The following ADK variants were observed in gnomAD, a reference collection of about 807,000 sequenced individuals.
ADK encodes the protein N6,N6-dimethyladenosine kinase.
Under a neutral mutation model 44.7 loss-of-function variants are expected in ADK, and 24 were observed. The ratio of observed to expected loss-of-function variants is 0.54; its 90% CI spans 0.39 to 0.76. The LOEUF is 0.76. Ranked by LOEUF, ADK falls within the 30% of genes least tolerant of loss-of-function variation. ADK has a pLI of 0.00. For synonymous variants in ADK, 128 were observed against 142.6 expected, an observed-to-expected ratio of 0.90 and a Z score of 0.73; for missense variants, 321 against 425.1, an observed-to-expected ratio of 0.76 and a Z score of 2.15.
chr10:74,300,846 A>G (rs1840007173), intron 3 of ADK, among the ~76,000 whole-genome samples: 1 of 152,260 alleles, frequency 6.6e-6, no homozygotes, highest in South Asian at 2.1e-4. Context: ...TGATACTTCT[A>G]TTTCCACACA....
intron 4 of ADK, among the ~76,000 whole-genome samples, chr10:74,337,719 A>C (rs180751451): frequency 6.6e-6 from 1 of 150,854 alleles, no homozygotes; most frequent in Non-Finnish European, 1.5e-5. Flanking sequence ...AGAGCTTACT[A>C]ACTGTGAGCT....
chr10:74,532,654 A>G (rs949244000), intron 7 of ADK, among the ~76,000 whole-genome samples: 1 of 152,076 alleles, frequency 6.6e-6, no homozygotes, highest in Non-Finnish European at 1.5e-5. Flanking sequence ...TAATCCCAGC[A>G]CTTTGGGAGG....
chr10:74,299,515 A>AATATAT (rs376663637), intron 3 of ADK, among the ~76,000 whole-genome samples: 7 of 140,532 alleles, frequency 5.0e-5, no homozygotes, highest in East Asian at 4.0e-4. Context: ...AAAAAAAAGA[A>AATATAT]ATATATATAT....
intron 4 of ADK, among the ~76,000 whole-genome samples, chr10:74,388,779 C>A (rs183847623): frequency 6.6e-6 from 1 of 152,172 alleles, no homozygotes; most frequent in East Asian, 1.9e-4. Context: ...TACATATATT[C>A]CTTAAACATG....
intron 3 of ADK, among the ~76,000 whole-genome samples, chr10:74,296,544 A>G (rs534829196): frequency 1.3e-5 from 2 of 152,262 alleles, no homozygotes; most frequent in East Asian, 1.9e-4. Context: ...TCATAAGGAT[A>G]TAAATTGCTA....
intron 6 of ADK, among the ~76,000 whole-genome samples, chr10:74,416,657 T>C (rs1376314373): frequency 6.6e-6 from 1 of 151,674 alleles, no homozygotes; most frequent in Non-Finnish European, 1.5e-5. Context: ...ACTGCAAACA[T>C]CTAATTTCTG....
chr10:74,670,169 G>T lies in ADK; in HGVS notation c.878-14G>T. On this transcript the variant is annotated splice_polypyrimidine_tract_variant and intron_variant, in intron 9 of 10. Transcript: ENST00000539909. The stretch of plus-strand genomic sequence containing the variant: ...AAGAGAAGTCATTCTGCCTTTCTTT[G>T]GCTCTAATTGCAGAAAGTGAAGTCA... 1 of 1,608,796 alleles carries T rather than the reference G, an allele frequency of 6.2e-7. No homozygotes were observed. Among genetic ancestry groups the T allele is most frequent in the South Asian group, 1.1e-5 (1 of 90,940 alleles).
chr10:74,434,727 T>C (rs552593728), intron 6 of ADK, among the ~76,000 whole-genome samples: 1 of 152,310 alleles, frequency 6.6e-6, no homozygotes, highest in East Asian at 1.9e-4. Context: ...TAAACAACTA[T>C]GTTTTAGCTT....
intron 6 of ADK, among the ~76,000 whole-genome samples, chr10:74,426,476 T>G (rs549679796): frequency 6.6e-6 from 1 of 152,250 alleles, no homozygotes; most frequent in Non-Finnish European, 1.5e-5. Context: ...AAATATTACA[T>G]GAAACAAAAA....
chr10:74,332,017 C>A (rs910723397), intron 4 of ADK, among the ~76,000 whole-genome samples: 2 of 152,038 alleles, frequency 1.3e-5, no homozygotes, highest in Non-Finnish European at 2.9e-5. Flanking sequence ...CCATGCCCAA[C>A]AAATTTTTTT....
At chr10:74,290,896 C>T (rs1847393673) in intron 3 of ADK, among the ~76,000 whole-genome samples, 1 of 152,036 alleles carries the variant, frequency 6.6e-6, no homozygotes, top group Non-Finnish European at 1.5e-5. Flanking sequence ...TAAGTTGGAG[C>T]ACTTCATTCT....
intron 6 of ADK, among the ~76,000 whole-genome samples, chr10:74,467,592 G>A (rs1390451781): frequency 1.3e-5 from 2 of 151,932 alleles, no homozygotes; most frequent in Non-Finnish European, 2.9e-5. Flanking sequence ...TTTCATAGTA[G>A]AATAATATAT....
chr10:74,498,271 T>C (rs1847764184), intron 6 of ADK, among the ~76,000 whole-genome samples: 4 of 152,234 alleles, frequency 2.6e-5, no homozygotes. Context: ...TATATTAGCA[T>C]TTACCTTATG....
At chr10:74,589,230 C>A (rs375207417) in intron 7 of ADK, 52 bp from the exon 8 acceptor site, 129 of 1,549,800 alleles carry the variant, frequency 8.3e-5, no homozygotes, top group Non-Finnish European at 1.1e-4. Flanking sequence ...TGGATTATTT[C>A]TTCATTACCG....
At chr10:74,286,619 G>T (rs1488938919) in intron 3 of ADK, among the ~76,000 whole-genome samples, 1 of 152,148 alleles carries the variant, frequency 6.6e-6, no homozygotes, top group Non-Finnish European at 1.5e-5. Context: ...TGATAATCTT[G>T]CTAGACACAA....
At chr10:74,435,451 T>G (rs901648380) in intron 6 of ADK, among the ~76,000 whole-genome samples, 25 of 152,306 alleles carry the variant, frequency 1.6e-4, no homozygotes, top group African/African-American at 6.0e-4. Flanking sequence ...GGGAGATATT[T>G]TCATGCCCAG....
intron 7 of ADK, chr10:74,527,748 C>T (rs1849113246): frequency 7.1e-6 from 11 of 1,560,234 alleles, no homozygotes; most frequent in Non-Finnish European, 9.7e-6. Flanking sequence ...CAGTTGTTTC[C>T]TCCACTCCCA....
intron 6 of ADK, among the ~76,000 whole-genome samples, chr10:74,477,456 C>T (rs1231908421): frequency 6.6e-6 from 1 of 152,162 alleles, no homozygotes; most frequent in Non-Finnish European, 1.5e-5. Flanking sequence ...GATCTACCTG[C>T]CTTAGCCTCC....
chr10:74,651,092 G>A (rs1038262230), intron 9 of ADK, among the ~76,000 whole-genome samples: 1 of 152,170 alleles, frequency 6.6e-6, no homozygotes, highest in Non-Finnish European at 1.5e-5. Flanking sequence ...ATTTGGGGTG[G>A]TGGTGGGGAA....
Sources: allele counts gnomAD v4.1 joint callset (sites outside exome capture counted in the v4.1 genomes callset), GRCh38; gene constraint gnomAD v4.1.1; transcripts MANE v1.5; gene names NCBI Gene and HGNC (gene_info 2026-07-23, HGNC 2026-07-21).